Variants in FAM227B observed in about 807,000 individuals in gnomAD.
FAM227B encodes protein FAM227B.
Under a neutral mutation model 73.8 loss-of-function variants are expected in FAM227B, and 88 were observed. That is an observed-to-expected ratio of 1.19 (90% CI 1.00 to 1.42). The LOEUF is 1.42. Ranked by LOEUF, FAM227B falls within the 40% of genes most tolerant of loss-of-function variation. FAM227B has a pLI of 0.00. For missense variants in FAM227B, 632 were observed against 590.9 expected (o/e 1.07, Z -0.72); for synonymous variants, 210 against 190.5 (o/e 1.10, Z -0.84).
At chr15:49,417,835 C>T (rs1171384717) in intron 11 of FAM227B, among the ~76,000 whole-genome samples, 1 of 152,096 alleles carries the variant, frequency 6.6e-6, no homozygotes, top group Non-Finnish European at 1.5e-5. Flanking sequence ...TCTAATTAAG[C>T]TAAAGAGCTC....
chr15:49,611,508 G>T (rs571010547), intron 2 of FAM227B, among the ~76,000 whole-genome samples: 185 of 152,170 alleles, frequency 1.2e-3, no homozygotes, highest in Non-Finnish European at 2.1e-3. Flanking sequence ...ACTAGCCCTA[G>T]AGAAAAACTC....
intron 11 of FAM227B, among the ~76,000 whole-genome samples, chr15:49,452,831 G>A (rs2052892898): frequency 6.6e-6 from 1 of 152,120 alleles, no homozygotes; most frequent in Non-Finnish European, 1.5e-5. Context: ...TAAGCACTCA[G>A]CAAACGTTAG....
At chr15:49,465,304 C>CCT (rs1555496510) in intron 11 of FAM227B, among the ~76,000 whole-genome samples, 1 of 140,604 alleles carries the variant, frequency 7.1e-6, no homozygotes, top group Non-Finnish European at 1.5e-5. Context: ...TTTTCTTTTT[C>CCT]TTTTTTTTTT....
chr15:49,457,929 G>A (rs2151914156), intron 11 of FAM227B, among the ~76,000 whole-genome samples: 2 of 152,020 alleles, frequency 1.3e-5, no homozygotes, highest in South Asian at 4.2e-4. Context: ...ATTAATGTTA[G>A]AAAAATTAAG....
intron 11 of FAM227B, among the ~76,000 whole-genome samples, chr15:49,495,967 G>A (rs1401755023): frequency 1.3e-5 from 2 of 152,078 alleles, no homozygotes; most frequent in East Asian, 3.9e-4. Flanking sequence ...AGGTTGCAGT[G>A]AGCCAAGATC....
intron 1 of FAM227B, among the ~76,000 whole-genome samples, chr15:49,617,763 C>T (rs1267145458): frequency 6.8e-6 from 1 of 147,908 alleles, no homozygotes; most frequent in Non-Finnish European, 1.5e-5. Context: ...CAGGGCTATG[C>T]TCCTTTCATG....
At chr15:49,388,127 A>C (rs572656141) in intron 11 of FAM227B, among the ~76,000 whole-genome samples, 11 of 152,016 alleles carry the variant, frequency 7.2e-5, no homozygotes, top group African/African-American at 2.6e-4. Flanking sequence ...ATTAGAAAGA[A>C]CAATCCTAAA....
chr15:49,378,452 A>G (rs2046312182), intron 11 of FAM227B, among the ~76,000 whole-genome samples: 1 of 151,478 alleles, frequency 6.6e-6, no homozygotes, highest in Non-Finnish European at 1.5e-5. Flanking sequence ...TATTTTTCCA[A>G]TATTTCTATT....
chr15:49,383,091 A>G (rs749131298), intron 11 of FAM227B, among the ~76,000 whole-genome samples: 6 of 152,144 alleles, frequency 3.9e-5, no homozygotes, highest in Non-Finnish European at 7.4e-5. Flanking sequence ...CTCCCTAACA[A>G]AGAATAAACA....
At chr15:49,434,910 T>G (rs1349771060) in intron 11 of FAM227B, among the ~76,000 whole-genome samples, 4 of 151,562 alleles carry the variant, frequency 2.6e-5, no homozygotes, top group Non-Finnish European at 5.9e-5. Flanking sequence ...GTTTTTCCTT[T>G]AAAGGGAAAT....
At chr15:49,386,429 G>A (rs1477260468) in intron 11 of FAM227B, among the ~76,000 whole-genome samples, 1 of 151,918 alleles carries the variant, frequency 6.6e-6, no homozygotes, top group Non-Finnish European at 1.5e-5. Context: ...AATCAAGATG[G>A]AAATTTAAAA....
At chr15:49,550,723 T>A (rs1290108921) in intron 9 of FAM227B, among the ~76,000 whole-genome samples, 1 of 150,386 alleles carries the variant, frequency 6.6e-6, no homozygotes, top group Non-Finnish European at 1.5e-5. Context: ...CTAGATGGGA[T>A]GGCGACCGGG....
At chr15:49,563,572 C>T (rs1446998919) in intron 9 of FAM227B, among the ~76,000 whole-genome samples, 1 of 152,104 alleles carries the variant, frequency 6.6e-6, no homozygotes, top group African/African-American at 2.4e-5. Flanking sequence ...AGAGACATCA[C>T]ATTACCTGAC....
chr15:49,367,072 C>T (rs1304367726), intron 13 of FAM227B, among the ~76,000 whole-genome samples: 1 of 152,128 alleles, frequency 6.6e-6, no homozygotes, highest in African/African-American at 2.4e-5. Context: ...AATTCCACAG[C>T]TAAAACATGC....
At chr15:49,336,035 T>A (rs1240066591) in intron 13 of FAM227B, among the ~76,000 whole-genome samples, 1 of 152,142 alleles carries the variant, frequency 6.6e-6, no homozygotes, top group African/African-American at 2.4e-5. Context: ...TTCAAACTCC[T>A]GGGCTCTAGC....
chr15:49,403,390 C>T (rs1461467823), intron 11 of FAM227B, among the ~76,000 whole-genome samples: 1 of 152,072 alleles, frequency 6.6e-6, no homozygotes, highest in African/African-American at 2.4e-5. Flanking sequence ...TGAATCTGGT[C>T]CTGCATTTTT....
intron 3 of FAM227B, among the ~76,000 whole-genome samples, chr15:49,607,541 G>C (rs957640978): frequency 6.6e-6 from 1 of 152,094 alleles, no homozygotes; most frequent in Non-Finnish European, 1.5e-5. Flanking sequence ...AGGCTAAAAG[G>C]AATTTGAAAA....
intron 11 of FAM227B, among the ~76,000 whole-genome samples, chr15:49,401,061 G>A (rs1332242728): frequency 6.6e-6 from 1 of 152,288 alleles, no homozygotes; most frequent in African/African-American, 2.4e-5. Context: ...GAGTGAACAG[G>A]CAACCTACAG....
intron 11 of FAM227B, among the ~76,000 whole-genome samples, chr15:49,489,869 TATATATATATATATAGAGAG>T (rs2056881708): frequency 6.5e-5 from 1 of 15,364 alleles, no homozygotes; most frequent in Admixed American, 1.5e-3. Context: ...TTTATATATA[TATATATATATATATAGAGAG>T]AGAGAGAGAG....
Sources: gnomAD v4.1 joint callset for allele counts (sites outside exome capture counted in the v4.1 genomes callset) on GRCh38, gnomAD v4.1.1 for gene constraint, MANE v1.5 for transcripts, NCBI Gene and HGNC (gene_info 2026-07-23, HGNC 2026-07-21) for gene names.